Variants in GRK6 observed in about 807,000 individuals in gnomAD.
The protein encoded by GRK6 is G protein-coupled receptor kinase 6.
GRK6 carries 37 observed loss-of-function variants against 80.8 expected under a neutral mutation model. The observed-to-expected ratio is 0.46, with a 90% CI of 0.35 to 0.60. GRK6 has a LOEUF of 0.60. Among genes scored for constraint, GRK6 ranks in the 20% least tolerant of loss-of-function variants. GRK6 has a pLI of 0.00. For synonymous variants in GRK6, 295 were observed against 320.9 expected, an observed-to-expected ratio of 0.92 and a Z score of 0.86; for missense variants, 560 against 784.6, an observed-to-expected ratio of 0.71 and a Z score of 3.42.
chr5:177,435,109 G>A lies in GRK6; in HGVS notation c.1045G>A (p.Val349Met), dbSNP rs376452319. The change falls in exon 11 of 16, where the codon GTG becomes ATG. Residue 349 changes from valine to methionine, a missense_variant. This residue lies in a region of GRK6 where 294 missense variants were observed against 397.4 expected (regional missense o/e 0.74). Transcript: ENST00000355472. ...GQTIKGRVGT[V>M]GYMAPEVVKN... ...GACCATCAAAGGGCGTGTGGGCACC[G>A]TGGGTTACATGGGTGAGTCTTCTCT... 2.1e-5 allele frequency: 33 copies of A among 1,607,634 alleles called. No homozygotes were observed. Among genetic ancestry groups the A allele is most frequent in the Admixed American group, 5.0e-5 (3 of 59,824 alleles).
intron 10 of GRK6, 40 bp from the exon 11 acceptor site, chr5:177,434,992 G>A: frequency 6.2e-7 from 1 of 1,613,000 alleles, no homozygotes; most frequent in Non-Finnish European, 8.5e-7. Context: ...CAGAGGCCTG[G>A]CCTGTTAACG....
intron 5 of GRK6, 86 bp from the exon 6 acceptor site, chr5:177,433,061 T>C: frequency 8.4e-7 from 1 of 1,188,534 alleles, no homozygotes; most frequent in Non-Finnish European, 1.3e-6. Context: ...GCTAAGCCTG[T>C]ACAGAACGGG....
At chr5:177,437,235 G>A (rs1299493537) in intron 13 of GRK6, among the ~76,000 whole-genome samples, 2 of 152,154 alleles carry the variant, frequency 1.3e-5, no homozygotes, top group African/African-American at 4.8e-5. Context: ...GATTACAGGA[G>A]TGAGCCATCG....
Position 177,436,089 on chromosome 5 carries a change from GA to G in GRK6, c.1076del (p.Asn359MetfsTer20). ...CCCGCCCAGCTCCGGAGGTGGTGAA[GA>G]ATGAACGGTACACGTTCAGCCCTGA... ...VGYMAPEVVK[N>X]ERYTFSPDWW... On this transcript the variant is annotated frameshift_variant, in exon 12 of 16. Transcript: ENST00000355472. LOFTEE classifies it high-confidence loss of function. 3 of 1,613,536 alleles carry G rather than the reference GA, an allele frequency of 1.9e-6. No homozygotes were observed. Among genetic ancestry groups the G allele is most frequent in the Non-Finnish European group, 2.5e-6 (3 of 1,179,614 alleles).
intron 1 of GRK6, 96 bp downstream of exon 1, chr5:177,426,993 G>T: frequency 1.3e-6 from 1 of 741,170 alleles, no homozygotes; most frequent in Non-Finnish European, 1.8e-6. Flanking sequence ...GGATCCCCTA[G>T]GCCCGCGGGC....
chr5:177,436,359 C>A, intron 12 of GRK6, 34 bp from the exon 13 acceptor site: 1 of 1,455,892 alleles, frequency 6.9e-7, no homozygotes, highest in Non-Finnish European at 9.3e-7. Context: ...CACTCACCTG[C>A]CTGGCCTGCC....
In GRK6 at chr5:177,441,206, C is replaced by A. The variant is rs766003195; in HGVS notation, c.1677+153C>A. On this transcript the variant is annotated intron_variant, in intron 15 of 15. Coordinates refer to ENST00000355472, the MANE Select transcript of GRK6 (RefSeq NM_001004106.3). ...TCTGGCCTCATTCCCGCCTGTCCCC[C>A]ACCCCTGGCTGGGCTCATGGCCTCT... is the stretch of plus-strand genomic sequence containing the variant. 56 of 1,487,100 alleles carry A rather than the reference C, an allele frequency of 3.8e-5. No homozygotes were observed. In the East Asian group the frequency reaches 1.2e-3, roughly 33 times the overall value. 92.1% of individuals were successfully genotyped at this position (1,487,100 alleles called of 1,614,324 possible). A position where few individuals can be genotyped will look rare whatever the true frequency, so the allele number is the denominator to read the frequency against.
At chr5:177,435,291 G>A (rs985832222) in intron 11 of GRK6, among the ~76,000 whole-genome samples, 170 bp downstream of exon 11, 8 of 152,254 alleles carry the variant, frequency 5.3e-5, no homozygotes, top group East Asian at 3.8e-4. Context: ...AGCCGGGGCC[G>A]CACACAGTTG....
In GRK6 at chr5:177,442,347, G is replaced by A. The variant is rs891588576; in HGVS notation, c.*557G>A. On this transcript the variant is annotated 3_prime_UTR_variant, in exon 16 of 16. Coordinates refer to ENST00000355472, the MANE Select transcript of GRK6 (RefSeq NM_001004106.3). ...CTGTCCCTTCTCAGTGCTTGTCAGC[G>A]CTGGGTCTGGGGCCTCTGTATGCCC... The A allele has an allele frequency of 1.0e-4, 16 of 160,486 alleles. No individual in the cohort carries two copies. The highest frequency in any genetic ancestry group is 1.9e-4 in the Non-Finnish European group (14 of 72,758). 9.9% of individuals were successfully genotyped at this position (160,486 alleles called of 1,614,324 possible).
In GRK6 at chr5:177,441,896, T is replaced by A; in HGVS notation, c.*106T>A. On this transcript the variant is annotated 3_prime_UTR_variant, in exon 16 of 16. Transcript: ENST00000355472. ...CCCATTGTCCACTCAAGTCGTGGCC[T>A]GGGGAACACAGACGGAGCTGTCCCC... 2 of 1,061,956 alleles carry A rather than the reference T, an allele frequency of 1.9e-6. No homozygotes were observed. The highest frequency in any genetic ancestry group is 2.8e-5 in the South Asian group (2 of 71,408). 65.8% of individuals were successfully genotyped at this position (1,061,956 alleles called of 1,614,324 possible). A position where few individuals can be genotyped will look rare whatever the true frequency, so the allele number is the denominator to read the frequency against.
In GRK6 at chr5:177,434,027, C is replaced by T. The variant is rs201111298; in HGVS notation, c.852C>T (p.Pro284=). The T allele has an allele frequency of 6.3e-5, 101 of 1,612,216 alleles. No homozygotes were observed. Among genetic ancestry groups the T allele is most frequent in the East Asian group, 5.6e-4 (25 of 44,864 alleles). ...HIYHMGQAGF[P]EARAVFYAAE... ...ACCACATGGGCCAGGCTGGCTTCCC[C>T]GAAGCGCGGGCCGTCTTCTACGCCG... The change falls in exon 9 of 16, where the codon CCC becomes CCT. Residue 284 remains proline, a synonymous_variant. Transcript: ENST00000355472.
intron 1 of GRK6, among the ~76,000 whole-genome samples, 197 bp downstream of exon 1, chr5:177,427,094 G>A (rs1205615393): frequency 6.6e-6 from 1 of 152,118 alleles, no homozygotes; most frequent in African/African-American, 2.4e-5. Context: ...GCCCAGGAAG[G>A]GGCGGGGGTC....
chr5:177,431,703 C>CG, intron 2 of GRK6: 1 of 460,342 alleles, frequency 2.2e-6, no homozygotes, highest in South Asian at 2.2e-5. Context: ...CCGTGACATA[C>CG]GCAAGTCGTG....
Position 177,436,438 on chromosome 5 carries a change from A to G in GRK6, c.1312A>G (p.Ser438Gly). 1.3e-6 allele frequency: 2 copies of G among 1,588,526 alleles called. No homozygotes were observed. Among genetic ancestry groups the G allele is most frequent in the Non-Finnish European group, 1.7e-6 (2 of 1,164,974 alleles). ...CGAACGCCTGGGGTGTCGTGGGGGC[A>G]GTGCCCGCGAGGTGAAGGAGCACCC... ...PAERLGCRGG[S>G]AREVKEHPLF... The change falls in exon 13 of 16, where the codon AGT becomes GGT. Residue 438 changes from serine to glycine, a missense_variant. Physicochemically the swap from Ser to Gly is moderately conservative, Grantham distance 56. Coordinates refer to ENST00000355472, the MANE Select transcript of GRK6 (RefSeq NM_001004106.3).
chr5:177,437,510 C>T (rs1764217115), intron 13 of GRK6, among the ~76,000 whole-genome samples: 1 of 152,174 alleles, frequency 6.6e-6, no homozygotes, highest in African/African-American at 2.4e-5. Flanking sequence ...GTTAACTGAG[C>T]ATCTCAGTGG....
In GRK6 at chr5:177,429,643, GC is replaced by G. The variant is rs1581673415; in HGVS notation, c.53-1224del. ...GGGAGTCATCTAGGGACCTAGCCTT[GC>G]CCCCTCCCTAGAAGGCAACTTCTGC... On this transcript the variant is annotated intron_variant, in intron 1 of 15. Coordinates refer to ENST00000355472, the MANE Select transcript of GRK6 (RefSeq NM_001004106.3). The surrounding 1 kb of genome is among the most constrained non-coding windows in gnomAD (Gnocchi z 4.3). Among the ~76,000 whole-genome samples the G allele has an allele frequency of 6.6e-6, 1 of 152,154 alleles. No homozygotes were observed. Among genetic ancestry groups the G allele is most frequent in the East Asian group, 1.9e-4 (1 of 5,202 alleles).
intron 13 of GRK6, among the ~76,000 whole-genome samples, chr5:177,437,363 A>T (rs913430762): frequency 6.6e-6 from 1 of 152,134 alleles, no homozygotes; most frequent in African/African-American, 2.4e-5. Context: ...CCCAGATCAT[A>T]CACCCACCCG....
rs1029091091 is a variant in GRK6 at position 177,442,777 on chromosome 5, T to C, written c.*987T>C. 2 of 152,432 alleles carry C rather than the reference T, an allele frequency of 1.3e-5. No individual in the cohort carries two copies. The highest frequency in any genetic ancestry group is 4.8e-5 in the African/African-American group (2 of 41,396). The allele number at this position is 152,432 out of a possible 1,614,324, so 9.4% of individuals were successfully genotyped here. ...GGCCATCCTGGTCCCAGTGTTAGGGTAGCATGGGATTACAGGGCCCTGTTT... is the reference window on the plus strand; with the variant it reads ...GGCCATCCTGGTCCCAGTGTTAGGGCAGCATGGGATTACAGGGCCCTGTTT... On this transcript the variant is annotated 3_prime_UTR_variant, in exon 16 of 16. Coordinates refer to ENST00000355472, the MANE Select transcript of GRK6 (RefSeq NM_001004106.3).
chr5:177,441,536 G>A (rs1439585110), intron 15 of GRK6, among the ~76,000 whole-genome samples: 1 of 152,100 alleles, frequency 6.6e-6, no homozygotes, highest in Non-Finnish European at 1.5e-5. Context: ...GTCTGTTGCC[G>A]GCAGCCTCTG....
Sources: gnomAD v4.1 joint callset for allele counts (sites outside exome capture counted in the v4.1 genomes callset) on GRCh38, gnomAD v4.1.1 for gene constraint, gnomAD v4.1.1 regional missense constraint, Gnocchi (gnomAD v3.1) non-coding constraint, MANE v1.5 for transcripts, NCBI Gene and HGNC (gene_info 2026-07-23, HGNC 2026-07-21) for gene names.